Variants in ARSB observed in about 807,000 individuals in gnomAD.
ARSB encodes N-acetylgalactosamine-4-sulfatase.
Under a neutral mutation model 50.9 loss-of-function variants are expected in ARSB, and 41 were observed. The observed-to-expected ratio is 0.81, with a 90% CI of 0.63 to 1.04. ARSB has a LOEUF of 1.04. Ranked by LOEUF, ARSB falls within the 50% of genes least tolerant of loss-of-function variation. ARSB has a pLI of 0.00. For missense variants in ARSB, 672 were observed against 693.3 expected, an observed-to-expected ratio of 0.97 and a Z score of 0.35; for synonymous variants, 269 against 284.8, an observed-to-expected ratio of 0.94 and a Z score of 0.56.
At chr5:78,806,040 T>A (rs57754686) in intron 6 of ARSB, among the ~76,000 whole-genome samples, 249 of 152,366 alleles carry the variant, frequency 1.6e-3, no homozygotes, top group African/African-American at 5.8e-3. Flanking sequence ...CCTACCTTCA[T>A]TGGGTTTCTG....
rs1315124879 is a variant in ARSB, at chr5:78,885,662, G to A, written c.1064C>T (p.Pro355Leu). The A allele has an allele frequency of 3.1e-6, 5 of 1,613,944 alleles. No homozygotes were observed. The highest frequency in any genetic ancestry group is 4.2e-6 in the Non-Finnish European group (5 of 1,180,018). Residue 355 changes from proline (P) to leucine (L), a missense_variant, in exon 5 of 8, where the codon CCA becomes CTA. Coordinates refer to ENST00000264914, the MANE Select transcript of ARSB (RefSeq NM_000046.5). Reference sequence around the variant, plus strand: ...TCCCCTGGCCAGCTTCACGAGTGTTGGCAGCCAGTCAGAGATGTGGATGAG... The same window carrying A: ...TCCCCTGGCCAGCTTCACGAGTGTTAGCAGCCAGTCAGAGATGTGGATGAG... ...RELIHISDWL[P>L]TLVKLARGHT... is the part of the protein sequence containing the mutation.
At chr5:78,848,464 T>C (rs201659372) in intron 5 of ARSB, among the ~76,000 whole-genome samples, 18,840 of 150,918 alleles carry the variant, frequency 0.12, 1,446 homozygotes, top group East Asian at 0.18. Flanking sequence ...CAGTCTATCA[T>C]TGTTGGACGT....
intron 5 of ARSB, among the ~76,000 whole-genome samples, chr5:78,857,527 C>T (rs1746212166): frequency 6.6e-6 from 1 of 152,148 alleles, no homozygotes; most frequent in South Asian, 2.1e-4. Flanking sequence ...CACACAAGTT[C>T]ATGAAATGTC....
chr5:78,867,385 A>T (rs1006556498), intron 5 of ARSB, among the ~76,000 whole-genome samples: 3 of 152,114 alleles, frequency 2.0e-5, no homozygotes, highest in African/African-American at 7.2e-5. Flanking sequence ...AAACAAAAAG[A>T]CAGCAGTAAC....
intron 6 of ARSB, among the ~76,000 whole-genome samples, chr5:78,834,337 C>T (rs1227514207): frequency 1.3e-5 from 2 of 151,726 alleles, no homozygotes; most frequent in African/African-American, 2.4e-5. Context: ...AATACATTCA[C>T]GTTGTTATGC....
intron 6 of ARSB, among the ~76,000 whole-genome samples, chr5:78,791,711 G>C (rs1749240236): frequency 6.6e-6 from 1 of 152,236 alleles, no homozygotes; most frequent in Non-Finnish European, 1.5e-5. Flanking sequence ...TGTATGCACT[G>C]TTGTCTAGAT....
chr5:78,914,757 G>C (rs909784333), intron 4 of ARSB, among the ~76,000 whole-genome samples: 1 of 152,066 alleles, frequency 6.6e-6, no homozygotes, highest in Non-Finnish European at 1.5e-5. Context: ...TACAATCTCC[G>C]CCAGGTTCAA....
At chr5:78,978,605 C>A (rs760619238) in intron 1 of ARSB, among the ~76,000 whole-genome samples, 1 of 151,982 alleles carries the variant, frequency 6.6e-6, no homozygotes, top group Non-Finnish European at 1.5e-5. Context: ...AATTCTGAAA[C>A]CTTTGTAATA....
At chr5:78,890,203 T>C (rs181148750) in intron 4 of ARSB, among the ~76,000 whole-genome samples, 1 of 152,068 alleles carries the variant, frequency 6.6e-6, no homozygotes, top group East Asian at 1.9e-4. Context: ...TTTGGAGACA[T>C]TATCTACCTA....
intron 6 of ARSB, among the ~76,000 whole-genome samples, chr5:78,798,505 C>G (rs1432931783): frequency 2.6e-5 from 4 of 152,068 alleles, no homozygotes; most frequent in African/African-American, 7.2e-5. Context: ...AAGACCCCCC[C>G]GCCCCCTACA....
chr5:78,868,403 A>G (rs1056340377), intron 5 of ARSB, among the ~76,000 whole-genome samples: 1 of 97,144 alleles, frequency 1.0e-5, no homozygotes, highest in African/African-American at 4.1e-5. Flanking sequence ...TGTTAAGGGC[A>G]GCCAGAGAGA....
chr5:78,853,133 C>G (rs1057498263), intron 5 of ARSB, among the ~76,000 whole-genome samples: 1 of 152,206 alleles, frequency 6.6e-6, no homozygotes, highest in Non-Finnish European at 1.5e-5. Context: ...GAGAGGCGCT[C>G]TGTTTTTAGA....
rs918580 is a variant in ARSB, at chr5:78,969,273, C to T, written c.313-81G>A. ...GCAGATAAAATGGCCTTCTACCTTA[C>T]TGATCATATCTGTTGACTTGGATGT... On this transcript the variant is annotated intron_variant, in intron 1 of 7. Transcript: ENST00000264914. 0.21 allele frequency: 304,101 copies of T among 1,433,192 alleles called. 36,115 individuals are homozygous for T. The highest frequency in any genetic ancestry group is 0.48 in the African/African-American group (34,046 of 71,286). The allele number at this position is 1,433,192 out of a possible 1,614,324, so 88.8% of individuals were successfully genotyped here.
intron 5 of ARSB, 100 bp from the exon 6 acceptor site, chr5:78,839,526 T>C: frequency 9.2e-7 from 1 of 1,090,708 alleles, no homozygotes; most frequent in Admixed American, 1.9e-5. Flanking sequence ...ATAACAAACC[T>C]GCCAGTTAAC....
intron 4 of ARSB, among the ~76,000 whole-genome samples, chr5:78,904,289 G>A (rs1265481998): frequency 6.6e-6 from 1 of 152,100 alleles, no homozygotes; most frequent in African/African-American, 2.4e-5. Context: ...CAATAAAGAT[G>A]CTATAAATAT....
chr5:78,840,343 A>C (rs549813927), intron 5 of ARSB, among the ~76,000 whole-genome samples: 8 of 152,316 alleles, frequency 5.3e-5, no homozygotes, highest in African/African-American at 1.9e-4. Flanking sequence ...ATAATCAATA[A>C]GGCTCCTGAC....
At chr5:78,852,483 C>G (rs1481677583) in intron 5 of ARSB, among the ~76,000 whole-genome samples, 2 of 152,148 alleles carry the variant, frequency 1.3e-5, no homozygotes, top group Non-Finnish European at 2.9e-5. Flanking sequence ...TCTGGCTGCC[C>G]TTAACATTTT....
chr5:78,979,337 A>G (rs1038569157), intron 1 of ARSB, among the ~76,000 whole-genome samples: 4 of 152,234 alleles, frequency 2.6e-5, no homozygotes, highest in Non-Finnish European at 5.9e-5. Context: ...AAAGATAATG[A>G]CAAGTGTTGG....
At chr5:78,839,890 C>T (rs903522093) in intron 5 of ARSB, among the ~76,000 whole-genome samples, 3 of 152,108 alleles carry the variant, frequency 2.0e-5, no homozygotes, top group African/African-American at 4.8e-5. Flanking sequence ...CCTCCATGTC[C>T]AAATTTGCAA....
Sources: allele counts gnomAD v4.1 joint callset (sites outside exome capture counted in the v4.1 genomes callset), GRCh38; gene constraint gnomAD v4.1.1; transcripts MANE v1.5; gene names NCBI Gene and HGNC (gene_info 2026-07-23, HGNC 2026-07-21).